GNB1L: variants seen among roughly 807,000 people sequenced by gnomAD.
The protein encoded by GNB1L is guanine nucleotide-binding protein subunit beta-like protein 1.
Under a neutral mutation model 29.1 loss-of-function variants are expected in GNB1L, and 20 were observed. The ratio of observed to expected loss-of-function variants is 0.69; its 90% CI spans 0.48 to 1.00. The LOEUF (loss-of-function observed/expected upper bound fraction) is 1.00. Among genes scored for constraint, GNB1L ranks in the 50% least tolerant of loss-of-function variants. The pLI, the probability that GNB1L is intolerant of heterozygous loss-of-function variation, is 0.00. For synonymous variants in GNB1L, 193 were observed against 206.5 expected (o/e 0.93, Z 0.56); for missense variants, 421 against 464.9 (o/e 0.91, Z 0.87).
chr22:19,845,825 C>G (rs939479201), intron 2 of GNB1L, among the ~76,000 whole-genome samples: 2 of 152,254 alleles, frequency 1.3e-5, no homozygotes, highest in African/African-American at 4.8e-5. Flanking sequence ...AGGGCCATGA[C>G]ACCATCCTCG....
At position 19,821,282 on chromosome 22, in the gene GNB1L, G is replaced by A. The variant is rs116779791; in HGVS notation, c.74C>T (p.Ala25Val). The A allele has an allele frequency of 1.6e-4, 256 of 1,613,396 alleles. No homozygotes were observed. The African/African-American group carries it at 2.6e-3, about 17-fold the overall frequency. Residue 25 changes from alanine (A) to valine (V), a missense_variant, in exon 3 of 8, where the codon GCG (alanine) becomes GTG (valine). By Grantham distance (64) the Ala-to-Val change is moderately conservative (BLOSUM62 0). Coordinates refer to ENST00000329517, the MANE Select transcript of GNB1L (RefSeq NM_053004.3). ...CTGGGCTCCTTCGCAGAAGTGCAGC[G>A]CATGCACCGGTGACTGGGTGCCTCG... is the stretch of plus-strand genomic sequence containing the variant. ...VLRGTQSPVHALHFCEGAQAQ... is the reference protein window; with the variant it reads ...VLRGTQSPVHVLHFCEGAQAQ...
chr22:19,847,513 G>A (rs878961166), intron 2 of GNB1L: 1 of 985,230 alleles, frequency 1.0e-6, no homozygotes, highest in South Asian at 4.7e-5. Context: ...AAAAACTCTG[G>A]TCACAGCTCA....
intron 2 of GNB1L, among the ~76,000 whole-genome samples, 192 bp from the exon 3 acceptor site, chr22:19,821,567 C>A (rs1601336835): frequency 6.6e-6 from 1 of 152,316 alleles, no homozygotes; most frequent in East Asian, 1.9e-4. Flanking sequence ...CACCAGTTCC[C>A]TGCACGGCGG....
chr22:19,810,768 A>G (rs2145874380), intron 5 of GNB1L, among the ~76,000 whole-genome samples: 1 of 152,342 alleles, frequency 6.6e-6, no homozygotes, highest in Middle Eastern at 3.4e-3. Context: ...TCTCCCGCCC[A>G]GTCTGACAGA....
chr22:19,850,600 G>T, intron 2 of GNB1L: 2 of 1,197,324 alleles, frequency 1.7e-6, no homozygotes, highest in Non-Finnish European at 2.1e-6. Flanking sequence ...ATCATTCTTT[G>T]CCAAGATGCT....
chr22:19,820,613 C>T lies in GNB1L; in HGVS notation c.239G>A (p.Gly80Glu). Residue 80 changes from glycine (G) to glutamate (E), a missense_variant, in exon 4 of 8, where the codon GGG (glycine) becomes GAG (glutamate). By Grantham distance (98) the Gly-to-Glu change is moderately conservative (BLOSUM62 -2). Transcript: ENST00000329517. Reference sequence around the variant, plus strand: ...GGAGACCCACCTGAGGAGCTGGCGCCCCTGGGGCAGCGTCTGCAGCCAGGT... The same window carrying T: ...GGAGACCCACCTGAGGAGCTGGCGCTCCTGGGGCAGCGTCTGCAGCCAGGT... ...CVTWLQTLPQ[G>E]RQLLSQGRDL... The T allele has an allele frequency of 2.5e-6, 4 of 1,612,892 alleles. No individual in the cohort carries two copies. In the South Asian group the frequency reaches 3.3e-5, roughly 13 times the overall value.
chr22:19,826,784 T>C (rs1323570221), intron 2 of GNB1L, among the ~76,000 whole-genome samples: 1 of 152,132 alleles, frequency 6.6e-6, no homozygotes, highest in Non-Finnish European at 1.5e-5. Flanking sequence ...TGGCATTGCT[T>C]ATCTCCTGAT....
chr22:19,852,584 C>G (rs926763639), intron 2 of GNB1L: 2 of 311,972 alleles, frequency 6.4e-6, no homozygotes, highest in Admixed American at 9.6e-5. Flanking sequence ...CTCTGGTACC[C>G]AACTAGGAGC....
At chr22:19,849,329 C>A in intron 2 of GNB1L, 1 of 970,524 alleles carries the variant, frequency 1.0e-6, no homozygotes, top group South Asian at 4.8e-5. Context: ...TAAAATAATC[C>A]CAACAATTTA....
At chr22:19,850,288 G>A in intron 2 of GNB1L, 1 of 982,836 alleles carries the variant, frequency 1.0e-6, no homozygotes, top group Non-Finnish European at 1.2e-6. Context: ...AGGCCACAGA[G>A]CTGACTAAGA....
At chr22:19,841,892 A>G (rs896361982) in intron 2 of GNB1L, among the ~76,000 whole-genome samples, 1 of 152,160 alleles carries the variant, frequency 6.6e-6, no homozygotes, top group African/African-American at 2.4e-5. Context: ...CAGCCCACCT[A>G]ATTTCTCTAT....
At chr22:19,826,008 CA>C (rs910296401) in intron 2 of GNB1L, among the ~76,000 whole-genome samples, 1 of 152,032 alleles carries the variant, frequency 6.6e-6, no homozygotes. Flanking sequence ...ACTAAGTTGA[CA>C]AAAAAAAGTC....
At chr22:19,850,525 G>A (rs1248568171) in intron 2 of GNB1L, 16 of 1,074,974 alleles carry the variant, frequency 1.5e-5, no homozygotes, top group Non-Finnish European at 1.5e-5. Context: ...CAAGGGGCTT[G>A]CATCCCACCT....
intron 7 of GNB1L, among the ~76,000 whole-genome samples, 163 bp downstream of exon 7, chr22:19,801,838 C>T (rs1937375847): frequency 6.6e-6 from 1 of 152,208 alleles, no homozygotes; most frequent in African/African-American, 2.4e-5. Flanking sequence ...CCCACGCCCC[C>T]TTCTTCCTGC....
chr22:19,853,520 C>CA (rs1938159988), intron 2 of GNB1L, among the ~76,000 whole-genome samples: 1 of 152,200 alleles, frequency 6.6e-6, no homozygotes, highest in African/African-American at 2.4e-5. Flanking sequence ...ACCCCACACA[C>CA]AAACGCCACC....
chr22:19,849,332 AC>A (rs34942643), intron 2 of GNB1L: 118,037 of 964,996 alleles, frequency 0.12, 7,506 homozygotes, highest in Middle Eastern at 0.16. Context: ...AATAATCCCA[AC>A]AATTTATATT....
Position 19,788,979 on chromosome 22 carries a change from G to T in GNB1L, c.733-19C>A, listed in dbSNP as rs967312947. On this transcript the variant is annotated intron_variant, in intron 7 of 7. Coordinates refer to ENST00000329517, the MANE Select transcript of GNB1L (RefSeq NM_053004.3). ...CACGCACCTGTGAGAGTTGGGAGAG[G>T]TGTTAGGCCACTCCTTAAGCCCACA... The T allele has an allele frequency of 6.3e-7, 1 of 1,582,956 alleles. No individual in the cohort carries two copies. Among genetic ancestry groups the T allele is most frequent in the Non-Finnish European group, 8.6e-7 (1 of 1,160,688 alleles).
chr22:19,848,024 C>T, intron 2 of GNB1L: 6 of 985,218 alleles, frequency 6.1e-6, no homozygotes, highest in African/African-American at 1.7e-5. Context: ...TTTATTTGGC[C>T]CGTTTCAAAG....
intron 2 of GNB1L, among the ~76,000 whole-genome samples, chr22:19,843,947 C>G (rs555946002): frequency 2.0e-5 from 3 of 152,306 alleles, no homozygotes; most frequent in Admixed American, 2.0e-4. Context: ...GGTATAGCTG[C>G]CCCCCAGCAA....
Sources: allele counts gnomAD v4.1 joint callset (sites outside exome capture counted in the v4.1 genomes callset), GRCh38; gene constraint gnomAD v4.1.1; transcripts MANE v1.5; gene names NCBI Gene and HGNC (gene_info 2026-07-23, HGNC 2026-07-21).